Variants in CD4 observed in about 807,000 individuals in gnomAD.
The protein encoded by CD4 is T-cell surface glycoprotein CD4.
CD4 carries 25 observed loss-of-function variants against 50.5 expected under a neutral mutation model. The ratio of observed to expected loss-of-function variants is 0.49; its 90% CI spans 0.36 to 0.69. The LOEUF is 0.69. Among genes scored for constraint, CD4 ranks in the 30% least tolerant of loss-of-function variants. CD4 has a pLI of 0.00. For synonymous variants in CD4, 207 were observed against 221.9 expected, an observed-to-expected ratio of 0.93 and a Z score of 0.60; for missense variants, 456 against 548.5, an observed-to-expected ratio of 0.83 and a Z score of 1.68.
At position 6,791,964 on chromosome 12, in the gene CD4, G is replaced by A. The variant is rs28917469; in HGVS notation, c.-68+2302G>A. Among the ~76,000 whole-genome samples the A allele has an allele frequency of 1.9e-3, 286 of 152,252 alleles. 2 individuals carry two copies. The South Asian group carries it at 0.022, about 11-fold the overall frequency. On this transcript the variant is annotated intron_variant, in intron 1 of 9. Transcript: ENST00000011653. ...AGGCTCTGAGTTTGAGCTCTGTTCT[G>A]TACCTTTGAGGGGATGAGGGAAGGA...
At chr12:6,790,273 G>A (rs959794795) in intron 1 of CD4, among the ~76,000 whole-genome samples, 6 of 152,004 alleles carry the variant, frequency 3.9e-5, no homozygotes, top group Non-Finnish European at 7.4e-5. Context: ...TTCATAAGTC[G>A]CATGATCTAT....
chr12:6,792,941 T>A lies in CD4; in HGVS notation c.-68+3279T>A, dbSNP rs1186973927. Among the ~76,000 whole-genome samples the A allele has an allele frequency of 6.6e-6, 1 of 151,576 alleles. No individual in the cohort carries two copies. Among genetic ancestry groups the A allele is most frequent in the African/African-American group, 2.4e-5 (1 of 41,198 alleles). On this transcript the variant is annotated intron_variant, in intron 1 of 9. Coordinates refer to ENST00000011653, the MANE Select transcript of CD4 (RefSeq NM_000616.5). The surrounding 1 kb of genome is among the most constrained non-coding windows in gnomAD (Gnocchi z 4.1). ...GCATAGATACAGAAATGCACAGATGTGAGCTGAGAAGCAAGGAGGGAGAGA... is the reference window on the plus strand; with the variant it reads ...GCATAGATACAGAAATGCACAGATGAGAGCTGAGAAGCAAGGAGGGAGAGA...
rs142344863 is a variant in CD4, at chr12:6,816,712, G to A, written c.955+309G>A. On this transcript the variant is annotated intron_variant, in intron 6 of 9. Transcript: ENST00000011653. The surrounding 1 kb of genome is among the most constrained non-coding windows in gnomAD (Gnocchi z 4.9). ...CCACTGCAGGCCTGCTTCCTGACCT[G>A]TCTAATAAGGATAATGAAATCTGCT... Among the ~76,000 whole-genome samples, 15 of 152,328 alleles carry A rather than the reference G, an allele frequency of 9.8e-5. No individual in the cohort carries two copies. The highest frequency in any genetic ancestry group is 3.4e-4 in the African/African-American group (14 of 41,594).
At chr12:6,801,432 G>A (rs1477699149) in intron 3 of CD4, among the ~76,000 whole-genome samples, 5 of 147,340 alleles carry the variant, frequency 3.4e-5, no homozygotes, top group Non-Finnish European at 6.0e-5. Flanking sequence ...CAGGAGACTC[G>A]CTTGAACCTG....
At chr12:6,805,235 AAGAG>A (rs1289101976) in intron 3 of CD4, among the ~76,000 whole-genome samples, 1 of 150,672 alleles carries the variant, frequency 6.6e-6, no homozygotes, top group African/African-American at 2.4e-5. Context: ...AAGAAAAAGA[AAGAG>A]AGAAAGAAAT....
Position 6,817,329 on chromosome 12 carries a change from G to A in CD4, c.1155G>A (p.Lys385=), listed in dbSNP as rs1555118130. 2 of 1,552,994 alleles carry A rather than the reference G, an allele frequency of 1.3e-6. No individual in the cohort carries two copies. The highest frequency in any genetic ancestry group is 2.7e-5 in the African/African-American group (2 of 73,148). Residue 385 remains lysine, a splice_region_variant and synonymous_variant, in exon 7 of 10, where the codon AAG becomes AAA. Coordinates refer to ENST00000011653, the MANE Select transcript of CD4 (RefSeq NM_000616.5). ...AGGTCCTGCTGGAATCCAACATCAA[G>A]GGTAAGGACCCAGGTTCCAAGGCCT... ...SGQVLLESNI[K]VLPTWSTPVQ...
At chr12:6,805,298 C>G (rs1555115993) in intron 3 of CD4, among the ~76,000 whole-genome samples, 1 of 151,670 alleles carries the variant, frequency 6.6e-6, no homozygotes, top group African/African-American at 2.4e-5. Flanking sequence ...TGCAGTGGCT[C>G]ATGCCTGTAA....
Position 6,818,678 on chromosome 12 carries a change from A to C in CD4, c.1278+136A>C, listed in dbSNP as rs1943179359. ...AAGTTCCCTTGCTGCCCTGTCCCAG[A>C]TCCCACTCAAGGGAGAGACAGGAAG... On this transcript the variant is annotated intron_variant, in intron 8 of 9. Transcript: ENST00000011653. The surrounding 1 kb of genome is among the most constrained non-coding windows in gnomAD (Gnocchi z 5.0). 1 of 1,254,310 alleles carries C rather than the reference A, an allele frequency of 8.0e-7. No individual in the cohort carries two copies. Among genetic ancestry groups the C allele is most frequent in the Non-Finnish European group, 1.1e-6 (1 of 871,898 alleles). The allele number at this position is 1,254,310 out of a possible 1,614,324, so 77.7% of individuals were successfully genotyped here.
rs28757302 is a variant in CD4, at chr12:6,804,127, T to C, written c.214+3656T>C. On this transcript the variant is annotated intron_variant, in intron 3 of 9. Transcript: ENST00000011653. ...CTCTGTCTCAAAATAAATAAATAAA[T>C]AAATAAATAAATAAATAAATAAATA... Among the ~76,000 whole-genome samples the C allele has an allele frequency of 8.3e-3, 1,222 of 147,426 alleles. 16 individuals are homozygous for C. The highest frequency in any genetic ancestry group is 0.028 in the African/African-American group (1,129 of 39,942).
rs1210690727 is a variant in CD4, at chr12:6,818,299, C to A, written c.1157-122C>A. On this transcript the variant is annotated intron_variant, in intron 7 of 9. Coordinates refer to ENST00000011653, the MANE Select transcript of CD4 (RefSeq NM_000616.5). The surrounding 1 kb of genome is among the most constrained non-coding windows in gnomAD (Gnocchi z 5.0). ...GGCCTTTGAGAGCCCCCAGGCACCCCTCCCCTCTCCCCCAACCCCAGGGTC... is the reference window on the plus strand; with the variant it reads ...GGCCTTTGAGAGCCCCCAGGCACCCATCCCCTCTCCCCCAACCCCAGGGTC... The A allele has an allele frequency of 3.0e-6, 4 of 1,317,146 alleles. No individual in the cohort carries two copies. In the East Asian group the frequency reaches 9.3e-5, roughly 31 times the overall value. The allele number at this position is 1,317,146 out of a possible 1,614,324, so 81.6% of individuals were successfully genotyped here.
At chr12:6,808,296 C>G (rs558686988) in intron 3 of CD4, among the ~76,000 whole-genome samples, 3 of 143,262 alleles carry the variant, frequency 2.1e-5, no homozygotes. Flanking sequence ...TACTAAAATA[C>G]AAAAAATTAG....
chr12:6,814,894 C>T lies in CD4; in HGVS notation c.509C>T (p.Ser170Phe). ...GKNIQGGKTL[S>F]VSQLELQDSG... ...AACATACAGGGGGGGAAGACCCTCT[C>T]CGTGTCTCAGCTGGAGCTCCAGGAT... is the stretch of plus-strand genomic sequence containing the variant. The change falls in exon 5 of 10, where the codon TCC becomes TTC. Residue 170 changes from serine to phenylalanine, a missense_variant. By Grantham distance (155) the Ser-to-Phe change is radical (BLOSUM62 -2). Transcript: ENST00000011653. 4 of 1,613,604 alleles carry T rather than the reference C, an allele frequency of 2.5e-6. No homozygotes were observed. The highest frequency in any genetic ancestry group is 3.4e-6 in the Non-Finnish European group (4 of 1,179,678).
intron 4 of CD4, 101 bp downstream of exon 4, chr12:6,814,401 C>T: frequency 3.9e-6 from 5 of 1,275,838 alleles, no homozygotes; most frequent in East Asian, 4.9e-5. Context: ...GATACCGCAG[C>T]AGCCCCAAGA....
In CD4 at chr12:6,818,569, C is replaced by G; in HGVS notation, c.1278+27C>G. ...TGAGTAACCCCACACCTGGTCCCCA[C>G]AAGGCCCTCAAACCCCTGAGTCCTC... On this transcript the variant is annotated intron_variant, in intron 8 of 9. Coordinates refer to ENST00000011653, the MANE Select transcript of CD4 (RefSeq NM_000616.5). This position sits in a 1 kb window ranked among gnomAD's most constrained non-coding sequence, Gnocchi z 5.0. 1 of 1,611,656 alleles carries G rather than the reference C, an allele frequency of 6.2e-7. No homozygotes were observed. The highest frequency in any genetic ancestry group is 8.5e-7 in the Non-Finnish European group (1 of 1,179,876).
chr12:6,814,002 C>T (rs1217455580), intron 3 of CD4, 140 bp from the exon 4 acceptor site: 3 of 716,862 alleles, frequency 4.2e-6, no homozygotes, highest in Admixed American at 2.3e-5. Flanking sequence ...CTTGCCAGAC[C>T]GGGTTTCTCT....
chr12:6,797,730 T>C (rs1312297852), intron 1 of CD4, among the ~76,000 whole-genome samples: 2 of 152,254 alleles, frequency 1.3e-5, no homozygotes, highest in Admixed American at 1.3e-4. Context: ...GCTAGATTTA[T>C]GTTTAACTTT....
intron 3 of CD4, among the ~76,000 whole-genome samples, chr12:6,807,602 A>C (rs1942804382): frequency 6.6e-6 from 1 of 152,186 alleles, no homozygotes; most frequent in East Asian, 1.9e-4. Context: ...TACAAAAAGC[A>C]ACAACCTTAT....
At chr12:6,815,645 G>GTT (rs1943065141) in intron 5 of CD4, 1 of 1,031,840 alleles carries the variant, frequency 9.7e-7, no homozygotes, top group Non-Finnish European at 1.3e-6. Flanking sequence ...CTCGTATTAA[G>GTT]TTGAGGACTG....
At position 6,816,207 on chromosome 12, in the gene CD4, C is replaced by A; in HGVS notation, c.759C>A (p.Thr253=). ...ERASSSKSWI[T]FDLKNKEVSV... ...CTTCCTCCTCCAAGTCTTGGATCAC[C>A]TTTGACCTGAAGAACAAGGAAGTGT... Residue 253 remains threonine (T), a synonymous_variant, in exon 6 of 10, where the codon ACC becomes ACA. Coordinates refer to ENST00000011653, the MANE Select transcript of CD4 (RefSeq NM_000616.5). This position sits in a 1 kb window ranked among gnomAD's most constrained non-coding sequence, Gnocchi z 4.9. 1 of 1,614,206 alleles carries A rather than the reference C, an allele frequency of 6.2e-7. No individual in the cohort carries two copies. The highest frequency in any genetic ancestry group is 8.5e-7 in the Non-Finnish European group (1 of 1,180,030).
Sources: gnomAD v4.1 joint callset for allele counts (sites outside exome capture counted in the v4.1 genomes callset) on GRCh38, gnomAD v4.1.1 for gene constraint, Gnocchi (gnomAD v3.1) non-coding constraint, MANE v1.5 for transcripts, NCBI Gene and HGNC (gene_info 2026-07-23, HGNC 2026-07-21) for gene names.